The following AOPEP variants were observed in gnomAD, a reference collection of about 807,000 sequenced individuals.
AOPEP encodes the protein aminopeptidase O.
Under a neutral mutation model 98.1 loss-of-function variants are expected in AOPEP, and 77 were observed. That is an observed-to-expected ratio of 0.78 (90% CI 0.65 to 0.95). AOPEP has a LOEUF of 0.95. Ranked by LOEUF, AOPEP falls within the 40% of genes least tolerant of loss-of-function variation. The pLI is 0.00. For synonymous variants in AOPEP, 346 were observed against 365.3 expected (o/e 0.95, Z 0.60); for missense variants, 1,024 against 1,024.7 (o/e 1.00, Z 0.01).
intron 13 of AOPEP, among the ~76,000 whole-genome samples, chr9:95,016,752 A>G (rs1248368674): frequency 6.6e-6 from 1 of 150,442 alleles, no homozygotes; most frequent in Non-Finnish European, 1.5e-5. Context: ...AGCTGAGACT[A>G]CAGGTGTGTA....
intron 11 of AOPEP, among the ~76,000 whole-genome samples, chr9:95,000,230 T>A (rs1176060360): frequency 6.6e-6 from 1 of 152,148 alleles, no homozygotes; most frequent in Admixed American, 6.5e-5. Context: ...GCTGATCAAG[T>A]CCAACTATTC....
intron 11 of AOPEP, among the ~76,000 whole-genome samples, chr9:94,982,564 A>AATTTTTTTTTTTTTTTTTTTTTTTTTTT (rs1564480333): frequency 2.1e-5 from 3 of 140,098 alleles, no homozygotes; most frequent in African/African-American, 8.6e-5. Context: ...CAAGAGCAAT[A>AATTTTTTTTTTTTTTTTTTTTTTTTTTT]CTTTTTTTTT....
intron 9 of AOPEP, 95 bp downstream of exon 9, chr9:94,956,110 G>A: frequency 1.4e-6 from 1 of 732,538 alleles, no homozygotes; most frequent in Non-Finnish European, 2.3e-6. Flanking sequence ...GTAGGGAAAA[G>A]GTTTCCCATT....
intron 5 of AOPEP, among the ~76,000 whole-genome samples, chr9:94,818,075 G>C (rs925346782): frequency 5.9e-5 from 9 of 152,148 alleles, no homozygotes; most frequent in Non-Finnish European, 1.2e-4. Flanking sequence ...TGTCGCCCAA[G>C]ATGATGGAGA....
intron 7 of AOPEP, among the ~76,000 whole-genome samples, chr9:94,937,172 A>G (rs980470073): frequency 6.6e-6 from 1 of 152,228 alleles, no homozygotes; most frequent in Middle Eastern, 3.2e-3. Context: ...TCCAGTGACC[A>G]GCTCCTCCTG....
rs1835379570 is a variant in AOPEP, at chr9:94,750,272, CTCAT to C, written c.-135-9374_-135-9371del. On this transcript the variant is annotated intron_variant, in intron 1 of 16. Coordinates refer to ENST00000375315, the MANE Select transcript of AOPEP (RefSeq NM_001193329.3). ...CTGTGTTGGTCTTGAACTCTAGTCT[CTCAT>C]TCTTCAGCCAGTAAGACTCCAGGTT... Among the ~76,000 whole-genome samples, 3 of 152,290 alleles carry C rather than the reference CTCAT, an allele frequency of 2.0e-5. No homozygotes were observed. In the South Asian group the frequency reaches 6.2e-4, roughly 32 times the overall value.
intron 13 of AOPEP, chr9:95,020,117 T>A (rs2063330109): frequency 6.6e-6 from 1 of 152,234 alleles, no homozygotes; most frequent in Non-Finnish European, 1.5e-5. Context: ...AGAAGTTGAT[T>A]CCCAGGCCTG....
At position 94,757,329 on chromosome 9, in the gene AOPEP, C is replaced by T. The variant is rs77187551; in HGVS notation, c.-135-2320C>T. ...TAGAATTGCCTCTGTGGAGAGTATG[C>T]GAAAGAATCCACTAAAGAGAACCAA... is the stretch of plus-strand genomic sequence containing the variant. On this transcript the variant is annotated intron_variant, in intron 1 of 16. Transcript: ENST00000375315. 4.6e-3 allele frequency among the ~76,000 whole-genome samples: 704 copies of T among 152,250 alleles called. 3 individuals are homozygous for T. Among genetic ancestry groups the T allele is most frequent in the African/African-American group, 0.016 (682 of 41,526 alleles).
intron 1 of AOPEP, among the ~76,000 whole-genome samples, chr9:94,733,246 A>G (rs1171984938): frequency 2.0e-5 from 3 of 151,596 alleles, no homozygotes; most frequent in African/African-American, 7.3e-5. Context: ...GTCTGGGACT[A>G]CAGGTGCGCA....
At chr9:94,805,754 C>T (rs1849133879) in intron 5 of AOPEP, among the ~76,000 whole-genome samples, 2 of 152,208 alleles carry the variant, frequency 1.3e-5, no homozygotes, top group Admixed American at 1.3e-4. Flanking sequence ...TATGCACGTA[C>T]ATGCCCAAGA....
intron 5 of AOPEP, among the ~76,000 whole-genome samples, chr9:94,856,228 G>GT (rs1217564289): frequency 3.9e-5 from 6 of 152,142 alleles, no homozygotes; most frequent in African/African-American, 1.4e-4. Flanking sequence ...GTTAGCACAG[G>GT]TTTTTTTCTT....
chr9:95,043,208 A>G lies in AOPEP; in HGVS notation c.2116-17486A>G, dbSNP rs568574053. Among the ~76,000 whole-genome samples, 178 of 151,788 alleles carry G rather than the reference A, an allele frequency of 1.2e-3. 3 individuals are homozygous for G. The highest frequency in any genetic ancestry group is 2.0e-3 in the Non-Finnish European group (133 of 67,926). ...TACCATCAGGAAAATGTATATGTGC[A>G]TATGTATCTGTATATGTGCATATAT... On this transcript the variant is annotated intron_variant, in intron 13 of 16. Coordinates refer to ENST00000375315, the MANE Select transcript of AOPEP (RefSeq NM_001193329.3).
intron 5 of AOPEP, among the ~76,000 whole-genome samples, chr9:94,830,714 G>A (rs1434797407): frequency 6.6e-6 from 1 of 152,102 alleles, no homozygotes; most frequent in Non-Finnish European, 1.5e-5. Context: ...GCCAGCATCT[G>A]TTGTTTCTTG....
intron 5 of AOPEP, among the ~76,000 whole-genome samples, chr9:94,872,390 A>G (rs756044248): frequency 6.6e-6 from 1 of 152,156 alleles, no homozygotes. Flanking sequence ...AGAGAATTAC[A>G]TGGCAAAAAT....
intron 3 of AOPEP, among the ~76,000 whole-genome samples, chr9:94,777,028 A>G (rs778762240): frequency 2.0e-5 from 3 of 151,586 alleles, no homozygotes; most frequent in Non-Finnish European, 2.9e-5. Flanking sequence ...TAGGTATAAC[A>G]TTCTTTTTTT....
At chr9:94,989,018 C>T (rs923742423) in intron 11 of AOPEP, among the ~76,000 whole-genome samples, 6 of 151,858 alleles carry the variant, frequency 4.0e-5, no homozygotes, top group Non-Finnish European at 7.4e-5. Flanking sequence ...AAGCAATTCT[C>T]CTGCCTCAGC....
At chr9:95,085,952 G>A (rs969402889) in intron 16 of AOPEP, 11 of 1,338,564 alleles carry the variant, frequency 8.2e-6, no homozygotes, top group South Asian at 2.4e-5. Context: ...CGTCTCCTGC[G>A]CCAGCAGACG....
At chr9:94,850,594 C>T (rs76737827) in intron 5 of AOPEP, among the ~76,000 whole-genome samples, 1,663 of 152,296 alleles carry the variant, frequency 0.011, 35 homozygotes, top group African/African-American at 0.038. Flanking sequence ...AATTTGAGCT[C>T]ACCGCCCGAC....
At chr9:94,850,413 C>T (rs1353244805) in intron 5 of AOPEP, among the ~76,000 whole-genome samples, 1 of 152,182 alleles carries the variant, frequency 6.6e-6, no homozygotes, top group Non-Finnish European at 1.5e-5. Context: ...GAAATGACCA[C>T]TAACATTGAG....
Sources: gnomAD v4.1 joint callset for allele counts (sites outside exome capture counted in the v4.1 genomes callset) on GRCh38, gnomAD v4.1.1 for gene constraint, MANE v1.5 for transcripts, NCBI Gene and HGNC (gene_info 2026-07-23, HGNC 2026-07-21) for gene names.